Variants in ARHGAP15 observed in about 807,000 individuals in gnomAD.
The protein encoded by ARHGAP15 is Rho GTPase activating protein 15.
In ARHGAP15, 51 loss-of-function variants were observed where a neutral mutation model predicts 63.7. That is an observed-to-expected ratio of 0.80 (90% CI 0.64 to 1.01). The LOEUF is 1.01. Among genes scored for constraint, ARHGAP15 ranks in the 50% least tolerant of loss-of-function variants. ARHGAP15 has a pLI of 0.00. For synonymous variants in ARHGAP15, 191 were observed against 193.8 expected (o/e 0.99, Z 0.12); for missense variants, 560 against 564.6 (o/e 0.99, Z 0.08).
chr2:143,395,877 C>G (rs1481280150), intron 6 of ARHGAP15, among the ~76,000 whole-genome samples: 1 of 151,850 alleles, frequency 6.6e-6, no homozygotes, highest in Non-Finnish European at 1.5e-5. Context: ...TATCTATGAA[C>G]AGTGAGATGC....
At chr2:143,344,637 C>G (rs761175742) in intron 6 of ARHGAP15, among the ~76,000 whole-genome samples, 2 of 152,088 alleles carry the variant, frequency 1.3e-5, no homozygotes, top group Non-Finnish European at 2.9e-5. Flanking sequence ...TTAGTAAATT[C>G]TGACCATTCC....
intron 6 of ARHGAP15, among the ~76,000 whole-genome samples, chr2:143,311,669 C>T (rs1039602149): frequency 6.6e-6 from 1 of 152,042 alleles, no homozygotes; most frequent in Non-Finnish European, 1.5e-5. Flanking sequence ...ACAAAACTGC[C>T]TCATTCAGGA....
chr2:143,209,951 TAG>T (rs1044995365), intron 3 of ARHGAP15, among the ~76,000 whole-genome samples: 3 of 146,702 alleles, frequency 2.0e-5, no homozygotes, highest in African/African-American at 7.4e-5. Context: ...AACTCTAGAG[TAG>T]AGAAAAAGAA....
rs542051397 is a variant in ARHGAP15, at chr2:143,516,418, A to G, written c.827-2848A>G. Among the ~76,000 whole-genome samples the G allele has an allele frequency of 5.3e-5, 8 of 152,258 alleles. No homozygotes were observed. In the East Asian group the frequency reaches 1.2e-3, roughly 22 times the overall value. On this transcript the variant is annotated intron_variant, in intron 9 of 13. Coordinates refer to ENST00000295095, the MANE Select transcript of ARHGAP15 (RefSeq NM_018460.4). ...TACAAACATACACACACTGCACACC[A>G]CGTCTACACTAAATGACACAAAAAG...
intron 6 of ARHGAP15, among the ~76,000 whole-genome samples, chr2:143,267,609 A>G (rs1681060921): frequency 6.6e-6 from 1 of 152,212 alleles, no homozygotes; most frequent in Non-Finnish European, 1.5e-5. Flanking sequence ...TGCTTTCAGT[A>G]ATTGAAATAT....
At chr2:143,480,302 T>C (rs541206430) in intron 8 of ARHGAP15, among the ~76,000 whole-genome samples, 3 of 152,292 alleles carry the variant, frequency 2.0e-5, no homozygotes, top group East Asian at 3.8e-4. Context: ...TTCACTGATA[T>C]CAAAAATGCA....
At chr2:143,642,880 T>A (rs1459295843) in intron 12 of ARHGAP15, among the ~76,000 whole-genome samples, 3 of 151,978 alleles carry the variant, frequency 2.0e-5, no homozygotes, top group Non-Finnish European at 4.4e-5. Context: ...GGAATTGGGG[T>A]TGAAGGCAGC....
intron 2 of ARHGAP15, among the ~76,000 whole-genome samples, chr2:143,200,059 A>G (rs1198949135): frequency 6.6e-6 from 1 of 152,188 alleles, no homozygotes; most frequent in Non-Finnish European, 1.5e-5. Flanking sequence ...AAAAATAGGT[A>G]AACAGCCAAC....
intron 12 of ARHGAP15, among the ~76,000 whole-genome samples, chr2:143,689,744 C>T (rs1683509521): frequency 6.6e-6 from 1 of 152,118 alleles, no homozygotes; most frequent in Admixed American, 6.6e-5. Flanking sequence ...ATTAGAATTC[C>T]AAGAATTTCT....
chr2:143,454,517 C>G (rs905327343), intron 8 of ARHGAP15, among the ~76,000 whole-genome samples: 9 of 151,934 alleles, frequency 5.9e-5, no homozygotes, highest in African/African-American at 2.2e-4. Flanking sequence ...GATCTTCTTC[C>G]ACTGAACAGA....
chr2:143,719,825 G>T (rs1684970097), intron 13 of ARHGAP15, among the ~76,000 whole-genome samples: 1 of 152,118 alleles, frequency 6.6e-6, no homozygotes, highest in Non-Finnish European at 1.5e-5. Flanking sequence ...CCAATTCCTG[G>T]AGTGGCAAGC....
chr2:143,171,990 T>C (rs1439882473), intron 2 of ARHGAP15: 1 of 152,078 alleles, frequency 6.6e-6, no homozygotes, highest in Non-Finnish European at 1.5e-5. Context: ...TCCTATTGCC[T>C]CTCTTCTCAT....
chr2:143,471,030 TATATATGCACACACACATGTGTGC>T (rs1286078816), intron 8 of ARHGAP15, among the ~76,000 whole-genome samples: 2 of 149,300 alleles, frequency 1.3e-5, no homozygotes, highest in African/African-American at 2.5e-5. Context: ...AATATGTGTG[TATATATGCACACACACATGTGTGC>T]ATATATACAC....
At chr2:143,269,334 A>G (rs1204597495) in intron 6 of ARHGAP15, among the ~76,000 whole-genome samples, 2 of 152,204 alleles carry the variant, frequency 1.3e-5, no homozygotes, top group Non-Finnish European at 2.9e-5. Flanking sequence ...AATTTTTGTC[A>G]CATATAAAAG....
intron 12 of ARHGAP15, among the ~76,000 whole-genome samples, chr2:143,644,197 A>T (rs142341678): frequency 1.3e-4 from 20 of 152,252 alleles, no homozygotes; most frequent in African/African-American, 3.6e-4. Context: ...ACAGCCATGT[A>T]GAAATGTGGT....
chr2:143,300,984 T>A (rs188642746), intron 6 of ARHGAP15, among the ~76,000 whole-genome samples: 1 of 151,910 alleles, frequency 6.6e-6, no homozygotes, highest in East Asian at 1.9e-4. Context: ...CTGACTACAC[T>A]TTTTTTTCTA....
intron 12 of ARHGAP15, among the ~76,000 whole-genome samples, chr2:143,649,291 C>T (rs183614105): frequency 1.3e-5 from 2 of 151,994 alleles, no homozygotes; most frequent in East Asian, 3.9e-4. Flanking sequence ...CAAAACAGTC[C>T]TCAAATTCTC....
chr2:143,442,440 C>T (rs1336990186), intron 8 of ARHGAP15, among the ~76,000 whole-genome samples: 2 of 152,116 alleles, frequency 1.3e-5, no homozygotes, highest in Non-Finnish European at 2.9e-5. Flanking sequence ...CACTTCTGTA[C>T]CGTCTCCACC....
chr2:143,512,210 A>T (rs1287229008), intron 9 of ARHGAP15, among the ~76,000 whole-genome samples: 1 of 152,230 alleles, frequency 6.6e-6, no homozygotes, highest in Non-Finnish European at 1.5e-5. Flanking sequence ...TCAGACTCAT[A>T]TCTTCATAGT....
Sources: allele counts gnomAD v4.1 joint callset (sites outside exome capture counted in the v4.1 genomes callset), GRCh38; gene constraint gnomAD v4.1.1; transcripts MANE v1.5; gene names NCBI Gene and HGNC (gene_info 2026-07-23, HGNC 2026-07-21).